Variants in KIAA0930 observed in about 807,000 individuals in gnomAD.
KIAA0930 encodes the protein KIAA0930, also known as uncharacterized protein KIAA0930.
KIAA0930 carries 24 observed loss-of-function variants against 43.9 expected under a neutral mutation model. The ratio of observed to expected loss-of-function variants is 0.55; its 90% CI spans 0.40 to 0.77. The LOEUF (loss-of-function observed/expected upper bound fraction) is 0.77, where lower values mean the gene tolerates loss of function less well. Among genes scored for constraint, KIAA0930 ranks in the 30% least tolerant of loss-of-function variants. The pLI, the probability that KIAA0930 is intolerant of heterozygous loss-of-function variation, is 0.00. For synonymous variants in KIAA0930, 259 were observed against 216.4 expected (o/e 1.20, Z -1.73); for missense variants, 461 against 574.2 (o/e 0.80, Z 2.02).
intron 9 of KIAA0930, 62 bp downstream of exon 9, chr22:45,197,728 G>GC: frequency 6.3e-7 from 1 of 1,578,690 alleles, no homozygotes; most frequent in South Asian, 1.1e-5. Context: ...AAGTACCAAG[G>GC]CCCTGGAGGC....
In KIAA0930 at chr22:45,205,922, C is replaced by T; in HGVS notation, c.217-10G>A. On this transcript the variant is annotated splice_polypyrimidine_tract_variant and intron_variant, in intron 2 of 9. Coordinates refer to ENST00000336156, the MANE Select transcript of KIAA0930 (RefSeq NM_001009880.2). ...CCTCAGGCTCAGCTGCCTGCGAGGC[C>T]CAGAGCAGAAGTGAGTGCCCAGGGC... 6.2e-7 allele frequency: 1 copy of T among 1,612,202 alleles called. No homozygotes were observed. The highest frequency in any genetic ancestry group is 8.5e-7 in the Non-Finnish European group (1 of 1,179,918).
intron 1 of KIAA0930, among the ~76,000 whole-genome samples, chr22:45,219,898 G>A (rs1416935807): frequency 2.0e-5 from 3 of 152,042 alleles, no homozygotes; most frequent in Admixed American, 6.6e-5. Context: ...CCCAAGAAGT[G>A]ATTTTGGGAA....
rs1569069607 is a variant in KIAA0930, at chr22:45,197,201, C to CG, written c.1189dup (p.Arg397ProfsTer214). The CG allele has an allele frequency of 6.5e-7, 1 of 1,550,330 alleles. No homozygotes were observed. Among genetic ancestry groups the CG allele is most frequent in the Admixed American group, 2.0e-5 (1 of 50,820 alleles). On this transcript the variant is annotated frameshift_variant, in exon 10 of 10. Transcript: ENST00000336156. LOFTEE classifies it high-confidence loss of function. Reference sequence around the variant, plus strand: ...CTAGGTCATCAGGATGGGCTTCTGCCGAACTTCCAGGATGTCTAGGGCCGG... The same window carrying CG: ...CTAGGTCATCAGGATGGGCTTCTGCCGGAACTTCCAGGATGTCTAGGGCCGG...
intron 1 of KIAA0930, among the ~76,000 whole-genome samples, chr22:45,237,610 C>T (rs1305877127): frequency 2.0e-5 from 3 of 152,230 alleles, no homozygotes; most frequent in Admixed American, 2.0e-4. Flanking sequence ...TTCAAAACAA[C>T]GTCAGAGGAC....
intron 1 of KIAA0930, among the ~76,000 whole-genome samples, chr22:45,219,120 T>A (rs1011818223): frequency 2.0e-5 from 3 of 151,886 alleles, no homozygotes; most frequent in African/African-American, 4.8e-5. Flanking sequence ...CAGATTGGAG[T>A]TCAAGAGCAG....
chr22:45,232,653 G>A (rs543039771), intron 1 of KIAA0930, among the ~76,000 whole-genome samples: 6 of 152,196 alleles, frequency 3.9e-5, no homozygotes, highest in East Asian at 1.9e-4. Context: ...TGCCTCAGCC[G>A]AAACTGGGAC....
chr22:45,228,281 C>A (rs1051726105), intron 1 of KIAA0930, among the ~76,000 whole-genome samples: 2 of 152,152 alleles, frequency 1.3e-5, no homozygotes, highest in African/African-American at 4.8e-5. Flanking sequence ...GTGCTTTTTA[C>A]AAGTGGCTTG....
At position 45,205,970 on chromosome 22, in the gene KIAA0930, C is replaced by T. The variant is rs1601812423; in HGVS notation, c.217-58G>A. On this transcript the variant is annotated intron_variant, in intron 2 of 9. Coordinates refer to ENST00000336156, the MANE Select transcript of KIAA0930 (RefSeq NM_001009880.2). ...GGCCCACTGTGGTGCTCTTCTTCTT[C>T]CCTGACTACTATGCAGGCATTACGA... is the stretch of plus-strand genomic sequence containing the variant. 1.1e-5 allele frequency: 18 copies of T among 1,597,282 alleles called. No homozygotes were observed. In the East Asian group the frequency reaches 4.0e-4, roughly 36 times the overall value.
chr22:45,235,863 C>T (rs528146386), intron 1 of KIAA0930, among the ~76,000 whole-genome samples: 6 of 152,202 alleles, frequency 3.9e-5, no homozygotes, highest in African/African-American at 1.4e-4. Context: ...TCCTTTCCAG[C>T]GGCACCTCCC....
intron 7 of KIAA0930, among the ~76,000 whole-genome samples, chr22:45,201,578 G>A (rs1327187448): frequency 6.6e-6 from 1 of 152,200 alleles, no homozygotes; most frequent in East Asian, 1.9e-4. Context: ...GCATAATTTA[G>A]GACCAGGGAG....
chr22:45,205,997 G>A (rs1220771688), intron 2 of KIAA0930, 85 bp from the exon 3 acceptor site: 3 of 1,553,818 alleles, frequency 1.9e-6, no homozygotes, highest in African/African-American at 2.7e-5. Context: ...GCATTACGAT[G>A]GACAAGGACT....
In KIAA0930 at chr22:45,195,285, T is replaced by A. The variant is rs1052343212; in HGVS notation, c.*1891A>T. ...CCTCTGAGAACAGAGGGCGGGCCGC[T>A]GTGCTCCTCACAACCTGGACTGCCT... On this transcript the variant is annotated 3_prime_UTR_variant, in exon 10 of 10. Coordinates refer to ENST00000336156, the MANE Select transcript of KIAA0930 (RefSeq NM_001009880.2). 1 of 152,238 alleles carries A rather than the reference T, an allele frequency of 6.6e-6. No individual in the cohort carries two copies. Among genetic ancestry groups the A allele is most frequent in the African/African-American group, 2.4e-5 (1 of 41,468 alleles). 9.4% of individuals were successfully genotyped at this position (152,238 alleles called of 1,614,324 possible). A position where few individuals can be genotyped will look rare whatever the true frequency, so the allele number is the denominator to read the frequency against.
At chr22:45,205,605 T>G in intron 4 of KIAA0930, 25 bp downstream of exon 4, 1 of 1,610,396 alleles carries the variant, frequency 6.2e-7, no homozygotes, top group African/African-American at 1.3e-5. Flanking sequence ...GTTAGGAGGC[T>G]GGGGGCTCTC....
intron 2 of KIAA0930, among the ~76,000 whole-genome samples, chr22:45,209,152 C>T (rs543724340): frequency 2.3e-4 from 35 of 152,352 alleles, no homozygotes; most frequent in Admixed American, 3.3e-4. Flanking sequence ...TGCCCATCCA[C>T]GCTCCCCTGC....
Position 45,205,869 on chromosome 22 carries a change from G to C in KIAA0930, c.260C>G (p.Ser87Cys), listed in dbSNP as rs1238320184. 1 of 1,612,102 alleles carries C rather than the reference G, an allele frequency of 6.2e-7. No homozygotes were observed. The highest frequency in any genetic ancestry group is 8.5e-7 in the Non-Finnish European group (1 of 1,179,632). ...GTCTCCCAGGCCTGGCAGCTTCTTG[G>C]AGTCCCGCCGGTACACCTCCACCTC... ...EVEVEVYRRD[S>C]KKLPGLGDPD... is the part of the protein sequence containing the mutation. The change falls in exon 3 of 10, where the codon TCC (serine) becomes TGC (cysteine). Residue 87 changes from serine to cysteine, a missense_variant. Coordinates refer to ENST00000336156, the MANE Select transcript of KIAA0930 (RefSeq NM_001009880.2).
At chr22:45,200,920 G>A (rs1200083481) in intron 7 of KIAA0930, 6 of 481,290 alleles carry the variant, frequency 1.2e-5, no homozygotes, top group Admixed American at 4.6e-5. Context: ...AGATGCCGCT[G>A]GAGCTGGGTC....
intron 1 of KIAA0930, among the ~76,000 whole-genome samples, chr22:45,230,198 G>A (rs2083843626): frequency 6.6e-6 from 1 of 152,194 alleles, no homozygotes; most frequent in South Asian, 2.1e-4. Context: ...CTGACTCTTG[G>A]CCTGCGGCTG....
At chr22:45,208,106 CA>C (rs2083655161) in intron 2 of KIAA0930, among the ~76,000 whole-genome samples, 1 of 152,158 alleles carries the variant, frequency 6.6e-6, no homozygotes, top group Non-Finnish European at 1.5e-5. Flanking sequence ...AAGCCAGGCC[CA>C]AGAGGACACT....
chr22:45,230,070 T>C (rs574323266), intron 1 of KIAA0930, among the ~76,000 whole-genome samples: 1 of 152,282 alleles, frequency 6.6e-6, no homozygotes, highest in South Asian at 2.1e-4. Context: ...CACTCCAGCC[T>C]GGGTGACAGT....
Sources: gnomAD v4.1 joint callset for allele counts (sites outside exome capture counted in the v4.1 genomes callset) on GRCh38, gnomAD v4.1.1 for gene constraint, MANE v1.5 for transcripts, NCBI Gene and HGNC (gene_info 2026-07-23, HGNC 2026-07-21) for gene names.